Variants in SASH1 observed in about 807,000 individuals in gnomAD.
SASH1 encodes the protein SAM and SH3 domain-containing protein 1.
Under a neutral mutation model 125.2 loss-of-function variants are expected in SASH1, and 44 were observed. That is an observed-to-expected ratio of 0.35 (90% CI 0.28 to 0.45). The LOEUF is 0.45. SASH1 is among the 20% of genes least tolerant of loss of function. The probability of loss-of-function intolerance (pLI) is 1.00; values close to 1 mark genes in which losing one functional copy is unlikely to be tolerated. For missense variants in SASH1, 1,426 were observed against 1,614.5 expected, an observed-to-expected ratio of 0.88 and a Z score of 2.00; for synonymous variants, 639 against 649.1, an observed-to-expected ratio of 0.98 and a Z score of 0.24.
At chr6:148,277,707 T>C (rs1423909523) in intron 1 of SASH1, among the ~76,000 whole-genome samples, 1 of 151,376 alleles carries the variant, frequency 6.6e-6, no homozygotes, top group Non-Finnish European at 1.5e-5. Context: ...AGAAAAAATA[T>C]GCAGGGTTTT....
At chr6:148,508,727 A>G (rs919451086) in intron 8 of SASH1, 10 of 1,226,114 alleles carry the variant, frequency 8.2e-6, no homozygotes, top group African/African-American at 6.3e-5. Flanking sequence ...ATGTAACTCC[A>G]GAGAGACATG....
chr6:148,382,349 G>T (rs1289497099), intron 1 of SASH1, among the ~76,000 whole-genome samples: 1 of 152,094 alleles, frequency 6.6e-6, no homozygotes, highest in African/African-American at 2.4e-5. Flanking sequence ...GAGTGCGATG[G>T]TGCCATCTTG....
chr6:148,359,346 A>C (rs548447839), intron 1 of SASH1, among the ~76,000 whole-genome samples: 7 of 133,550 alleles, frequency 5.2e-5, no homozygotes, highest in East Asian at 2.5e-4. Flanking sequence ...TTTTTTAACA[A>C]ATTGAAGGTT....
chr6:148,262,276 C>T, the SASH1 span, among the ~76,000 whole-genome samples: 1 of 152,132 alleles, frequency 6.6e-6, no homozygotes, highest in Non-Finnish European at 1.5e-5. Flanking sequence ...CTGAACAGCA[C>T]GGCAATATCA....
At position 148,519,918 on chromosome 6, in the gene SASH1, T is replaced by A; in HGVS notation, c.1209+25T>A. The stretch of plus-strand genomic sequence containing the variant: ...GGTAAGTACGGATGGTGTTTGCTTC[T>A]ATGACAACCACCGTCGCAGGCACCA... On this transcript the variant is annotated intron_variant, in intron 10 of 19. Coordinates refer to ENST00000367467, the MANE Select transcript of SASH1 (RefSeq NM_015278.5). This position sits in a 1 kb window ranked among gnomAD's most constrained non-coding sequence, Gnocchi z 4.8. 1 of 1,488,148 alleles carries A rather than the reference T, an allele frequency of 6.7e-7. No homozygotes were observed. Among genetic ancestry groups the A allele is most frequent in the Non-Finnish European group, 9.0e-7 (1 of 1,107,088 alleles). 92.2% of individuals were successfully genotyped at this position (1,488,148 alleles called of 1,614,324 possible).
chr6:148,233,683 T>A, the SASH1 span, among the ~76,000 whole-genome samples: 3 of 143,428 alleles, frequency 2.1e-5, no homozygotes, highest in Admixed American at 1.5e-4. Flanking sequence ...TTGCTTGAGG[T>A]CATGAGTTTG....
At chr6:148,348,274 G>T (rs1418291200) in intron 1 of SASH1, among the ~76,000 whole-genome samples, 1 of 152,188 alleles carries the variant, frequency 6.6e-6, no homozygotes, top group South Asian at 2.1e-4. Context: ...GATTACAGGC[G>T]TGAGCCACTG....
the SASH1 span, among the ~76,000 whole-genome samples, chr6:148,204,713 A>C: frequency 6.6e-6 from 1 of 151,996 alleles, no homozygotes; most frequent in Non-Finnish European, 1.5e-5. Flanking sequence ...ATACAAACAA[A>C]AAAAACTGTT....
intron 2 of SASH1, among the ~76,000 whole-genome samples, chr6:148,418,300 C>T (rs1784908080): frequency 6.6e-6 from 1 of 152,176 alleles, no homozygotes; most frequent in Non-Finnish European, 1.5e-5. Context: ...CTCAGCTTTT[C>T]CCTGGCTGCC....
intron 1 of SASH1, among the ~76,000 whole-genome samples, chr6:148,382,291 C>T (rs1001563977): frequency 6.6e-6 from 1 of 152,052 alleles, no homozygotes; most frequent in Non-Finnish European, 1.5e-5. Context: ...GCCATGTGTG[C>T]AGGTCCATTG....
rs373534419 is a variant in SASH1, at chr6:148,548,586, A to G, written c.*28A>G. ...AGGCCCGGAATGGGCCTCTCTGGAC[A>G]AGAGCCACCCTTTCACTGTGCATAT... On this transcript the variant is annotated 3_prime_UTR_variant, in exon 20 of 20. Transcript: ENST00000367467. 1.5e-5 allele frequency: 24 copies of G among 1,561,592 alleles called. No homozygotes were observed. Among genetic ancestry groups the G allele is most frequent in the Non-Finnish European group, 1.6e-5 (18 of 1,156,978 alleles).
intron 2 of SASH1, among the ~76,000 whole-genome samples, chr6:148,412,343 T>G (rs1784662186): frequency 6.6e-6 from 1 of 152,184 alleles, no homozygotes; most frequent in Non-Finnish European, 1.5e-5. Context: ...AAATGGGCAG[T>G]GGGGTTTTGA....
intron 4 of SASH1, among the ~76,000 whole-genome samples, chr6:148,449,008 T>C (rs1163391946): frequency 6.6e-6 from 1 of 152,020 alleles, no homozygotes; most frequent in Non-Finnish European, 1.5e-5. Context: ...TTTCCTTTGT[T>C]TCCCTCTGTT....
chr6:148,273,889 T>TTAGAG (rs1779123764), intron 1 of SASH1, among the ~76,000 whole-genome samples: 2 of 152,172 alleles, frequency 1.3e-5, no homozygotes, highest in South Asian at 4.1e-4. Flanking sequence ...GAAAGTAGAA[T>TTAGAG]TAGAGAAGGG....
chr6:148,243,651 C>CA, the SASH1 span, among the ~76,000 whole-genome samples: 205 of 70,310 alleles, frequency 2.9e-3, 4 homozygotes, highest in African/African-American at 5.0e-3. Flanking sequence ...AACTGTGTCT[C>CA]AAAAAAAAAA....
chr6:148,245,850 A>G, the SASH1 span, among the ~76,000 whole-genome samples: 3 of 152,054 alleles, frequency 2.0e-5, no homozygotes, highest in South Asian at 4.2e-4. Context: ...TTAGCCGGGC[A>G]TGGTGGTGGG....
chr6:148,380,738 T>C (rs1242698993), intron 1 of SASH1, among the ~76,000 whole-genome samples: 1 of 152,252 alleles, frequency 6.6e-6, no homozygotes, highest in African/African-American at 2.4e-5. Context: ...AATACTCTTT[T>C]GAGCCACTGA....
chr6:148,466,792 T>C (rs1777856674), intron 4 of SASH1, among the ~76,000 whole-genome samples: 1 of 152,000 alleles, frequency 6.6e-6, no homozygotes, highest in South Asian at 2.1e-4. Flanking sequence ...CCCAGGCTGC[T>C]CTCCTCCTGC....
chr6:148,471,279 G>T (rs1442827809), intron 5 of SASH1, 138 bp from the exon 6 acceptor site: 1 of 620,178 alleles, frequency 1.6e-6, no homozygotes, highest in African/African-American at 1.9e-5. Context: ...CTAACTGAAA[G>T]AAAAAACTGT....
Sources: allele counts gnomAD v4.1 joint callset (sites outside exome capture counted in the v4.1 genomes callset), GRCh38; gene constraint gnomAD v4.1.1; non-coding constraint Gnocchi (gnomAD v3.1); transcripts MANE v1.5; gene names NCBI Gene and HGNC (gene_info 2026-07-23, HGNC 2026-07-21).